The following CXXC5 variants were observed in gnomAD, a reference collection of about 807,000 sequenced individuals.
The protein encoded by CXXC5 is CXXC finger protein 5.
A neutral mutation model predicts 17.6 loss-of-function variants in CXXC5; 2 were observed. The ratio of observed to expected loss-of-function variants is 0.11; its 90% CI spans 0.05 to 0.36. The LOEUF is 0.36. Ranked by LOEUF, CXXC5 falls within the 10% of genes least tolerant of loss-of-function variation. The probability of loss-of-function intolerance (pLI) is 1.00; values close to 1 mark genes in which losing one functional copy is unlikely to be tolerated. For synonymous variants in CXXC5, 171 were observed against 193.0 expected (o/e 0.89, Z 0.94); for missense variants, 343 against 458.3 (o/e 0.75, Z 2.30).
At chr5:139,678,015 C>T (rs1756954048) in intron 1 of CXXC5, among the ~76,000 whole-genome samples, 1 of 152,240 alleles carries the variant, frequency 6.6e-6, no homozygotes, top group Non-Finnish European at 1.5e-5. Context: ...GCCGCAGAGG[C>T]GGGGGACGCA....
intron 1 of CXXC5, among the ~76,000 whole-genome samples, chr5:139,659,922 C>T (rs1468831813): frequency 2.0e-5 from 3 of 152,340 alleles, no homozygotes; most frequent in African/African-American, 7.2e-5. Flanking sequence ...AGGGAGGAGG[C>T]GCAGCAGGCT....
chr5:139,665,318 T>G (rs866028928), intron 1 of CXXC5, among the ~76,000 whole-genome samples: 11 of 152,216 alleles, frequency 7.2e-5, no homozygotes, highest in Admixed American at 5.9e-4. Context: ...TACTGGGCCA[T>G]GCCAAGACCC....
chr5:139,652,293 C>T (rs991700223), intron 1 of CXXC5, among the ~76,000 whole-genome samples: 6 of 152,050 alleles, frequency 3.9e-5, no homozygotes, highest in Non-Finnish European at 8.8e-5. Context: ...AAGCCTCCCC[C>T]GTTACTCACG....
rs140691396 is a variant in CXXC5, at chr5:139,662,745, G to A, written c.-161+13900G>A. On this transcript the variant is annotated intron_variant, in intron 1 of 2. Coordinates refer to ENST00000302517, the MANE Select transcript of CXXC5 (RefSeq NM_016463.9). Reference sequence around the variant, plus strand: ...AGTCAGGAAACTGGATGCCCGTGCCGCGGACTCTGGAGTTGGACAGGCCTG... The same window carrying A: ...AGTCAGGAAACTGGATGCCCGTGCCACGGACTCTGGAGTTGGACAGGCCTG... 5.9e-5 allele frequency among the ~76,000 whole-genome samples: 9 copies of A among 152,342 alleles called. No individual in the cohort carries two copies. In the East Asian group the frequency reaches 1.2e-3, roughly 20 times the overall value.
At position 139,670,153 on chromosome 5, in the gene CXXC5, G is replaced by T. The variant is rs906208490; in HGVS notation, c.-160-10211G>T. ...CGCCTCATTATTTTTGTGTTCCGGG[G>T]CTGCGGCGACACCTCCCTCCCTCCT... On this transcript the variant is annotated intron_variant, in intron 1 of 2. Transcript: ENST00000302517. This position sits in a 1 kb window ranked among gnomAD's most constrained non-coding sequence, Gnocchi z 4.2. Among the ~76,000 whole-genome samples, 11 of 152,166 alleles carry T rather than the reference G, an allele frequency of 7.2e-5. No individual in the cohort carries two copies. The highest frequency in any genetic ancestry group is 2.7e-4 in the African/African-American group (11 of 41,434).
rs1757163321 is a variant in CXXC5, at chr5:139,680,835, G to A, written c.312G>A (p.Lys104=). The change falls in exon 2 of 3, where the codon AAG becomes AAA. Residue 104 remains lysine, a synonymous_variant. Coordinates refer to ENST00000302517, the MANE Select transcript of CXXC5 (RefSeq NM_016463.9). ...TGATGGGCGGAGAGTCTGCTGACAA[G>A]GCCACTGCGGCTGCAGCCGCTGCCT... ...GSMMGGESAD[K]ATAAAAAASL... The A allele has an allele frequency of 6.2e-7, 1 of 1,611,820 alleles. No individual in the cohort carries two copies. The highest frequency in any genetic ancestry group is 8.5e-7 in the Non-Finnish European group (1 of 1,179,992).
In CXXC5 at chr5:139,670,196, T is replaced by C. The variant is rs1223159006; in HGVS notation, c.-160-10168T>C. On this transcript the variant is annotated intron_variant, in intron 1 of 2. Transcript: ENST00000302517. The surrounding 1 kb of genome is among the most constrained non-coding windows in gnomAD (Gnocchi z 4.2). ...TCCCTCCTCCTCAGCCTCCCGCCTC[T>C]CGCCTGCCTCCCCCACGCCTCTGCA... 6.6e-6 allele frequency among the ~76,000 whole-genome samples: 1 copy of C among 152,150 alleles called. No homozygotes were observed. Among genetic ancestry groups the C allele is most frequent in the Admixed American group, 6.5e-5 (1 of 15,284 alleles).
intron 1 of CXXC5, among the ~76,000 whole-genome samples, chr5:139,665,418 T>G (rs6580190): frequency 6.6e-6 from 1 of 152,214 alleles, no homozygotes; most frequent in Non-Finnish European, 1.5e-5. Context: ...ACCTCCTTGC[T>G]GGAATGCTCT....
At chr5:139,651,324 G>A (rs1475414570) in intron 1 of CXXC5, among the ~76,000 whole-genome samples, 1 of 152,082 alleles carries the variant, frequency 6.6e-6, no homozygotes, top group Non-Finnish European at 1.5e-5. Flanking sequence ...CTTACCCGAG[G>A]GCCAGTGGCC....
intron 1 of CXXC5, among the ~76,000 whole-genome samples, chr5:139,673,118 T>C (rs1262246565): frequency 6.6e-6 from 1 of 152,120 alleles, no homozygotes; most frequent in East Asian, 1.9e-4. Context: ...GGATCCCAGA[T>C]AGACAAGGCG....
chr5:139,656,112 C>T (rs1040468576), intron 1 of CXXC5, among the ~76,000 whole-genome samples: 1 of 152,274 alleles, frequency 6.6e-6, no homozygotes, highest in Non-Finnish European at 1.5e-5. Flanking sequence ...AGCAGGAACA[C>T]TTGTGTGCCA....
rs866646415 is a variant in CXXC5 at position 139,668,704 on chromosome 5, C to G, written c.-160-11660C>G. 1.3e-5 allele frequency among the ~76,000 whole-genome samples: 2 copies of G among 152,166 alleles called. No homozygotes were observed. Among genetic ancestry groups the G allele is most frequent in the Admixed American group, 6.5e-5 (1 of 15,274 alleles). On this transcript the variant is annotated intron_variant, in intron 1 of 2. Coordinates refer to ENST00000302517, the MANE Select transcript of CXXC5 (RefSeq NM_016463.9). The surrounding 1 kb of genome is among the most constrained non-coding windows in gnomAD (Gnocchi z 4.1). ...CCGGGGTACCTGGCTTGGAGGCTCT[C>G]TTCAGTCTCGGGAGAGATATGCTTA...
rs910140569 is a variant in CXXC5 at position 139,661,565 on chromosome 5, C to G, written c.-161+12720C>G. Among the ~76,000 whole-genome samples, 1 of 152,232 alleles carries G rather than the reference C, an allele frequency of 6.6e-6. No individual in the cohort carries two copies. The highest frequency in any genetic ancestry group is 2.4e-5 in the African/African-American group (1 of 41,462). ...GCACGTACCTAGGCGAATGCACATA[C>G]ACAGGCACACATAGGCGTGCACACA... is the stretch of plus-strand genomic sequence containing the variant. On this transcript the variant is annotated intron_variant, in intron 1 of 2. Transcript: ENST00000302517. The surrounding 1 kb of genome is among the most constrained non-coding windows in gnomAD (Gnocchi z 4.7).
intron 1 of CXXC5, among the ~76,000 whole-genome samples, chr5:139,673,839 CAAAAAAA>C (rs752672843): frequency 4.6e-5 from 3 of 64,902 alleles, no homozygotes; most frequent in Non-Finnish European, 9.7e-5. Context: ...AGACTCTTGT[CAAAAAAA>C]AAAAAAAAAG....
At chr5:139,662,747 G>A (rs966033643) in intron 1 of CXXC5, among the ~76,000 whole-genome samples, 19 of 152,186 alleles carry the variant, frequency 1.2e-4, no homozygotes, top group Admixed American at 2.0e-4. Flanking sequence ...CCCGTGCCGC[G>A]GACTCTGGAG....
intron 1 of CXXC5, among the ~76,000 whole-genome samples, chr5:139,666,774 G>C (rs574050110): frequency 1.3e-5 from 2 of 152,252 alleles, no homozygotes; most frequent in Non-Finnish European, 2.9e-5. Context: ...GGCGCAGGCT[G>C]TTTCACTGCC....
rs191711535 is a variant in CXXC5 at position 139,664,467 on chromosome 5, C to T, written c.-161+15622C>T. 7.2e-5 allele frequency among the ~76,000 whole-genome samples: 11 copies of T among 152,286 alleles called. No individual in the cohort carries two copies. In the East Asian group the frequency reaches 2.1e-3, roughly 29 times the overall value. On this transcript the variant is annotated intron_variant, in intron 1 of 2. Transcript: ENST00000302517. ...CCACAATGACCCCCCATCCCGTGGT[C>T]CGTGTGTCACTTAGCACCAGGCGCT...
In CXXC5 at chr5:139,648,472, G is replaced by C. The variant is rs1308800515; in HGVS notation, c.-534G>C. On this transcript the variant is annotated 5_prime_UTR_variant, in exon 1 of 3. Coordinates refer to ENST00000302517, the MANE Select transcript of CXXC5 (RefSeq NM_016463.9). ...GAGCGGCAGAGCCTTATCCCCTGAA[G>C]CCGGGCCCCGCGTCCCAGCCCTGCC... The C allele has an allele frequency of 6.5e-6, 1 of 152,796 alleles. No homozygotes were observed. Among genetic ancestry groups the C allele is most frequent in the African/African-American group, 2.4e-5 (1 of 41,428 alleles). 9.5% of individuals were successfully genotyped at this position (152,796 alleles called of 1,614,324 possible).
chr5:139,675,716 C>T (rs1328054780), intron 1 of CXXC5, among the ~76,000 whole-genome samples: 1 of 152,224 alleles, frequency 6.6e-6, no homozygotes, highest in East Asian at 1.9e-4. Context: ...TTGAACCTCT[C>T]TGAGCCTAAA....
Sources: allele counts gnomAD v4.1 joint callset (sites outside exome capture counted in the v4.1 genomes callset), GRCh38; gene constraint gnomAD v4.1.1; non-coding constraint Gnocchi (gnomAD v3.1); transcripts MANE v1.5; gene names NCBI Gene and HGNC (gene_info 2026-07-23, HGNC 2026-07-21).